Variants in MALRD1 observed in about 807,000 individuals in gnomAD.
MALRD1 encodes the protein MAM and LDL-receptor class A domain-containing protein 1.
Under a neutral mutation model 242.1 loss-of-function variants are expected in MALRD1, and 247 were observed. The observed-to-expected ratio is 1.02, with a 90% CI of 0.92 to 1.13. The LOEUF (loss-of-function observed/expected upper bound fraction) is 1.13. MALRD1 is among the 50% of genes most tolerant of loss of function. The pLI is 0.00. For missense variants in MALRD1, 2,989 were observed against 2,533.1 expected (o/e 1.18, Z -3.86); for synonymous variants, 995 against 866.6 (o/e 1.15, Z -2.60).
At chr10:19,677,044 AT>A (rs925767156) in intron 36 of MALRD1, among the ~76,000 whole-genome samples, 2 of 150,950 alleles carry the variant, frequency 1.3e-5, no homozygotes, top group Admixed American at 1.3e-4. Context: ...TATGTACCAC[AT>A]TTTTTTTTCT....
rs567995379 is a variant in MALRD1, at chr10:19,475,649, G to C, written c.5030-15868G>C. ...AAATCTAAGCAAGTTCAATGGAAAG[G>C]GTCAAAGACAATATTAGGCTGTGAT... On this transcript the variant is annotated intron_variant, in intron 29 of 39. Coordinates refer to ENST00000454679, the MANE Select transcript of MALRD1 (RefSeq NM_001142308.3). Among the ~76,000 whole-genome samples the C allele has an allele frequency of 6.1e-4, 93 of 152,150 alleles. No individual in the cohort carries two copies. The Middle Eastern group carries it at 0.01, about 17-fold the overall frequency.
At position 19,352,202 on chromosome 10, in the gene MALRD1, G is replaced by T. The variant is rs144859836; in HGVS notation, c.4346G>T (p.Arg1449Leu). The change falls in exon 26 of 40, where the codon CGT becomes CTT. Residue 1449 changes from arginine to leucine, a missense_variant. Coordinates refer to ENST00000454679, the MANE Select transcript of MALRD1 (RefSeq NM_001142308.3). The stretch of plus-strand genomic sequence containing the variant: ...GAAGGTAGAGTTGGGAAAGGTCAGC[G>T]TGGAGACATTGCACTTGATGACATT... ...KFEGRVGKGQ[R>L]GDIALDDIVL... 5 of 1,550,452 alleles carry T rather than the reference G, an allele frequency of 3.2e-6. No homozygotes were observed. Among genetic ancestry groups the T allele is most frequent in the Non-Finnish European group, 4.4e-6 (5 of 1,146,892 alleles).
intron 33 of MALRD1, among the ~76,000 whole-genome samples, chr10:19,568,062 T>C (rs1235631897): frequency 6.6e-6 from 1 of 152,174 alleles, no homozygotes; most frequent in Non-Finnish European, 1.5e-5. Flanking sequence ...GTCTTCTCCA[T>C]CTGTATTAAG....
chr10:19,729,718 AT>A (rs1347221983), intron 38 of MALRD1, among the ~76,000 whole-genome samples: 37 of 98,972 alleles, frequency 3.7e-4, no homozygotes, highest in African/African-American at 1.5e-3. Context: ...AAGTCTATTA[AT>A]TCTTTTTTTT....
At chr10:19,524,503 C>T (rs907132768) in intron 31 of MALRD1, among the ~76,000 whole-genome samples, 13 of 151,732 alleles carry the variant, frequency 8.6e-5, no homozygotes, top group Admixed American at 5.3e-4. Flanking sequence ...TGGAAATCTG[C>T]GGGAAGAAAA....
Position 19,217,440 on chromosome 10 carries a change from T to TAC in MALRD1, c.2991+7760_2991+7761insAC, listed in dbSNP as rs568626106. The stretch of plus-strand genomic sequence containing the variant: ...GGTTAGTTTTTTACTTCACTTTCTT[T>TAC]TCCTGAAGCTTATACTCACTGCTCC... On this transcript the variant is annotated intron_variant, in intron 18 of 39. Coordinates refer to ENST00000454679, the MANE Select transcript of MALRD1 (RefSeq NM_001142308.3). Among the ~76,000 whole-genome samples the TAC allele has an allele frequency of 2.7e-3, 417 of 152,278 alleles. 1 individual carries two copies. The highest frequency in any genetic ancestry group is 9.7e-3 in the African/African-American group (405 of 41,556).
chr10:19,638,753 A>C lies in MALRD1; in HGVS notation c.6137+22830A>C, dbSNP rs199839454. On this transcript the variant is annotated intron_variant, in intron 36 of 39. Transcript: ENST00000454679. ...TTTGCCCTCAGATTCCAGTGAGGTC[A>C]CCACCCACAGAAGATTGTCTGTGGA... 3.9e-5 allele frequency among the ~76,000 whole-genome samples: 6 copies of C among 152,294 alleles called. No individual in the cohort carries two copies. The East Asian group carries it at 1.2e-3, about 29-fold the overall frequency.
chr10:19,694,697 A>G (rs998984439), intron 38 of MALRD1, among the ~76,000 whole-genome samples: 31 of 152,222 alleles, frequency 2.0e-4, no homozygotes, highest in Admixed American at 6.5e-5. Context: ...TAGAAATACC[A>G]TTTGACCCAG....
At chr10:19,120,100 A>G (rs945491426) in intron 5 of MALRD1, among the ~76,000 whole-genome samples, 2 of 152,164 alleles carry the variant, frequency 1.3e-5, no homozygotes, top group African/African-American at 4.8e-5. Flanking sequence ...AAAGGGTTTA[A>G]TAGCATGTGA....
At chr10:19,495,244 C>T (rs1012521798) in intron 30 of MALRD1, among the ~76,000 whole-genome samples, 6 of 151,778 alleles carry the variant, frequency 4.0e-5, no homozygotes, top group African/African-American at 9.7e-5. Flanking sequence ...CCCAGAGTGC[C>T]GGGATTACAG....
chr10:19,410,789 A>G (rs1304427695), intron 28 of MALRD1, among the ~76,000 whole-genome samples: 5 of 152,004 alleles, frequency 3.3e-5, no homozygotes, highest in Non-Finnish European at 7.4e-5. Context: ...AATATTCTAG[A>G]AATTCCATTT....
intron 5 of MALRD1, among the ~76,000 whole-genome samples, chr10:19,122,100 G>C (rs1837086486): frequency 6.6e-6 from 1 of 152,212 alleles, no homozygotes; most frequent in South Asian, 2.1e-4. Flanking sequence ...TTTGCCATGA[G>C]AGTATGGAGA....
Position 19,253,563 on chromosome 10 carries a change from G to T in MALRD1, c.2992-4121G>T, listed in dbSNP as rs551793018. ...TCAAGTCCTGCACTGGAAACAAAGT[G>T]TTGGCCCTCTGTATACACATCTTTC... On this transcript the variant is annotated intron_variant, in intron 18 of 39. Transcript: ENST00000454679. Among the ~76,000 whole-genome samples the T allele has an allele frequency of 2.0e-5, 3 of 151,998 alleles. No homozygotes were observed. In the South Asian group the frequency reaches 6.2e-4, roughly 31 times the overall value.
At chr10:19,233,724 G>T (rs1319238716) in intron 18 of MALRD1, among the ~76,000 whole-genome samples, 1 of 152,086 alleles carries the variant, frequency 6.6e-6, no homozygotes, top group Non-Finnish European at 1.5e-5. Context: ...TGAAAAGCAA[G>T]ATTGTAATGA....
chr10:19,246,902 A>G (rs1436467294), intron 18 of MALRD1, among the ~76,000 whole-genome samples: 2 of 152,142 alleles, frequency 1.3e-5, no homozygotes, highest in African/African-American at 2.4e-5. Flanking sequence ...GATGCTCTCT[A>G]TCACTTAGCT....
At chr10:19,518,124 G>T (rs1191038135) in intron 31 of MALRD1, among the ~76,000 whole-genome samples, 1 of 152,124 alleles carries the variant, frequency 6.6e-6, no homozygotes, top group Non-Finnish European at 1.5e-5. Context: ...GCCTGCCTGT[G>T]ACTGGCTGAA....
chr10:19,079,628 T>C (rs1835421520), intron 2 of MALRD1, among the ~76,000 whole-genome samples: 1 of 151,990 alleles, frequency 6.6e-6, no homozygotes, highest in Non-Finnish European at 1.5e-5. Context: ...TCAATTATTT[T>C]AGCTTTTGCT....
intron 32 of MALRD1, among the ~76,000 whole-genome samples, chr10:19,549,492 G>A (rs1409922422): frequency 6.6e-6 from 1 of 152,108 alleles, no homozygotes; most frequent in Non-Finnish European, 1.5e-5. Context: ...GCCCAATAAA[G>A]TAAGACCCTT....
intron 7 of MALRD1, among the ~76,000 whole-genome samples, 186 bp downstream of exon 7, chr10:19,124,856 A>T (rs1837197121): frequency 6.6e-6 from 1 of 150,922 alleles, no homozygotes; most frequent in South Asian, 2.1e-4. Flanking sequence ...AACAAGAATT[A>T]TACTAGGTTA....
Sources: gnomAD v4.1 joint callset for allele counts (sites outside exome capture counted in the v4.1 genomes callset) on GRCh38, gnomAD v4.1.1 for gene constraint, MANE v1.5 for transcripts, NCBI Gene and HGNC (gene_info 2026-07-23, HGNC 2026-07-21) for gene names.